TRIM51: variants seen among roughly 807,000 people sequenced by gnomAD.
TRIM51 encodes the protein tripartite motif-containing protein 51.
TRIM51 carries 23 observed loss-of-function variants against 32.7 expected under a neutral mutation model. The observed-to-expected ratio is 0.70, with a 90% confidence interval of 0.51 to 1.00. TRIM51 has a LOEUF of 1.00. Ranked by LOEUF, TRIM51 falls within the 50% of genes least tolerant of loss-of-function variation. The pLI is 0.00. For synonymous variants in TRIM51, 177 were observed against 181.9 expected, an observed-to-expected ratio of 0.97 and a Z score of 0.22; for missense variants, 592 against 539.2, an observed-to-expected ratio of 1.10 and a Z score of -0.97.
Position 55,891,339 on chromosome 11 carries a change from G to T in TRIM51, c.1066G>T (p.Gly356Cys). 1.9e-6 allele frequency: 3 copies of T among 1,611,874 alleles called. No individual in the cohort carries two copies. The highest frequency in any genetic ancestry group is 2.5e-6 in the Non-Finnish European group (3 of 1,179,728). ...GGGGGACTCTTGGAATTGGGCTTTT[G>T]GTGTCTGTAACAATTATTGGAAAGA... ...HMGDSWNWAF[G>C]VCNNYWKEKR... Residue 356 changes from glycine to cysteine, a missense_variant, in exon 7 of 7, where the codon GGT (glycine) becomes TGT (cysteine). Physicochemically the swap from Gly to Cys is radical, Grantham distance 159. Coordinates refer to ENST00000449290, the MANE Select transcript of TRIM51 (RefSeq NM_032681.4).
chr11:55,886,692 C>T (rs1404808840), intron 3 of TRIM51, among the ~76,000 whole-genome samples: 6 of 152,070 alleles, frequency 3.9e-5, no homozygotes, highest in Non-Finnish European at 8.8e-5. Flanking sequence ...GAAATATCAG[C>T]ACTAATTAAT....
intron 1 of TRIM51, 112 bp from the exon 2 acceptor site, chr11:55,885,313 C>T: frequency 1.8e-6 from 2 of 1,096,390 alleles, no homozygotes; most frequent in East Asian, 4.7e-5. Flanking sequence ...ATAGTTTGTT[C>T]CGCTTTAATG....
intron 6 of TRIM51, among the ~76,000 whole-genome samples, chr11:55,890,311 A>C (rs1590635329): frequency 6.6e-6 from 1 of 152,366 alleles, no homozygotes; most frequent in East Asian, 1.9e-4. Flanking sequence ...AAAATTGAAT[A>C]AATGGAAAAA....
Position 55,891,595 on chromosome 11 carries a change from C to G in TRIM51, c.1322C>G (p.Pro441Arg). Residue 441 changes from proline to arginine, a missense_variant, in exon 7 of 7, where the codon CCT becomes CGT. Physicochemically the swap from Pro to Arg is moderately radical, Grantham distance 103. Transcript: ENST00000449290. ...ACCATCCCCAATTGCTCCTTCTCAC[C>G]TCCTCTCAGGCCTATCTTTTGCTGT... ...IYTIPNCSFS[P>R]PLRPIFCCSH... 1 of 1,613,328 alleles carries G rather than the reference C, an allele frequency of 6.2e-7. No homozygotes were observed. Among genetic ancestry groups the G allele is most frequent in the East Asian group, 2.2e-5 (1 of 44,844 alleles).
rs1292109380 is a variant in TRIM51, at chr11:55,891,133, T to A, written c.860T>A (p.Val287Asp). The stretch of plus-strand genomic sequence containing the variant: ...TATTTTTTAAAAATTATTTTTGCAG[T>A]TGATTTTACTCTGCAGCCTGAAAGA... Reference protein sequence around the residue: ...GLLDSLSGFRVDFTLQPERAN... With the variant: ...GLLDSLSGFRDDFTLQPERAN... Residue 287 changes from valine (V) to aspartate (D), a missense_variant and splice_region_variant, in exon 7 of 7, where the codon GTT becomes GAT. Transcript: ENST00000449290. 6.3e-7 allele frequency: 1 copy of A among 1,590,948 alleles called. No individual in the cohort carries two copies. The highest frequency in any genetic ancestry group is 2.2e-5 in the East Asian group (1 of 44,820).
In TRIM51 at chr11:55,888,439, G is replaced by A. The variant is rs1854605891; in HGVS notation, c.738+177G>A. ...CCTCTCCTAGTGATTCTACTAGACC[G>A]AAGGTCCCTCCTACTTCATCCACCA... On this transcript the variant is annotated intron_variant, in intron 4 of 6. Transcript: ENST00000449290. Among the ~76,000 whole-genome samples the A allele has an allele frequency of 2.6e-5, 4 of 152,146 alleles. No individual in the cohort carries two copies. In the South Asian group the frequency reaches 8.3e-4, roughly 31 times the overall value.
intron 3 of TRIM51, among the ~76,000 whole-genome samples, chr11:55,887,502 T>A (rs1854591840): frequency 6.6e-6 from 1 of 152,030 alleles, no homozygotes; most frequent in African/African-American, 2.4e-5. Context: ...TAATTTGCAT[T>A]TATTTGGGGG....
chr11:55,887,727 G>A (rs771893947), intron 3 of TRIM51, among the ~76,000 whole-genome samples: 2 of 152,056 alleles, frequency 1.3e-5, no homozygotes, highest in African/African-American at 2.4e-5. Context: ...AATATAACTC[G>A]ATAGTTTGAT....
intron 6 of TRIM51, among the ~76,000 whole-genome samples, chr11:55,890,291 TA>T (rs1270232817): frequency 1.3e-5 from 2 of 152,072 alleles, no homozygotes; most frequent in Non-Finnish European, 1.5e-5. Context: ...TGGAATGACA[TA>T]AGAAATAAAA....
Position 55,886,180 on chromosome 11 carries a change from A to G in TRIM51, c.469A>G (p.Asn157Asp). The change falls in exon 3 of 7, where the codon AAT (asparagine) becomes GAT (aspartate). Residue 157 changes from asparagine to aspartate, a missense_variant. Physicochemically the swap from Asn to Asp is conservative, Grantham distance 23. Transcript: ENST00000449290. Reference protein sequence around the residue: ...LWEKACENLRNLNMETTRTRC... With the variant: ...LWEKACENLRDLNMETTRTRC... The stretch of plus-strand genomic sequence containing the variant: ...GGAAAAAGCTTGTGAAAATCTCAGA[A>G]ATCTGAACATGGAAACCACAAGAAC... The G allele has an allele frequency of 6.2e-7, 1 of 1,613,598 alleles. No homozygotes were observed. The highest frequency in any genetic ancestry group is 8.5e-7 in the Non-Finnish European group (1 of 1,179,644).
chr11:55,885,524 C>G lies in TRIM51; in HGVS notation c.96C>G (p.His32Gln). 1 of 1,612,098 alleles carries G rather than the reference C, an allele frequency of 6.2e-7. No homozygotes were observed. Among genetic ancestry groups the G allele is most frequent in the South Asian group, 1.1e-5 (1 of 91,006 alleles). Residue 32 changes from histidine to glutamine, a missense_variant, in exon 2 of 7, where the codon CAC becomes CAG. His to Gln is a conservative substitution (Grantham distance 24). Transcript: ENST00000449290. Reference protein sequence around the residue: ...FLDPVTIDCGHSFCRPCLYLN... With the variant: ...FLDPVTIDCGQSFCRPCLYLN... ...ACCCAGTCACCATAGACTGTGGGCA[C>G]AGCTTTTGCCGGCCCTGTTTGTACC... is the stretch of plus-strand genomic sequence containing the variant.
intron 4 of TRIM51, 110 bp from the exon 5 acceptor site, chr11:55,888,869 A>G: frequency 2.0e-6 from 2 of 979,962 alleles, no homozygotes; most frequent in East Asian, 4.8e-5. Context: ...AGGAGGGAAC[A>G]TTGTAGGAAA....
intron 1 of TRIM51, 57 bp from the exon 2 acceptor site, chr11:55,885,368 T>C (rs1204357682): frequency 5.1e-6 from 8 of 1,579,072 alleles, no homozygotes; most frequent in Non-Finnish European, 7.0e-6. Context: ...TCACCACATG[T>C]TCACGGATTT....
rs376328180 is a variant in TRIM51, at chr11:55,886,165, T to G, written c.454T>G (p.Cys152Gly). 4.3e-5 allele frequency: 69 copies of G among 1,613,426 alleles called. No homozygotes were observed. Among genetic ancestry groups the G allele is most frequent in the Non-Finnish European group, 5.6e-5 (66 of 1,179,630 alleles). ...KKMQSLWEKA[C>G]ENLRNLNMET... ...AATGCAGTCTTTATGGGAAAAAGCT[T>G]GTGAAAATCTCAGAAATCTGAACAT... is the stretch of plus-strand genomic sequence containing the variant. The change falls in exon 3 of 7, where the codon TGT (cysteine) becomes GGT (glycine). Residue 152 changes from cysteine to glycine, a missense_variant. Transcript: ENST00000449290.
At position 55,891,385 on chromosome 11, in the gene TRIM51, T is replaced by C. The variant is rs376523230; in HGVS notation, c.1112T>C (p.Ile371Thr). ...AAAGAGAAGAGACAGAATGACAAGA[T>C]AGATGGAGAGGAGGGACTCTTTCTT... is the stretch of plus-strand genomic sequence containing the variant. ...YWKEKRQNDK[I>T]DGEEGLFLLG... Residue 371 changes from isoleucine (I) to threonine (T), a missense_variant, in exon 7 of 7, where the codon ATA becomes ACA. By Grantham distance (89) the Ile-to-Thr change is moderately conservative (BLOSUM62 -1). Coordinates refer to ENST00000449290, the MANE Select transcript of TRIM51 (RefSeq NM_032681.4). 1.9e-6 allele frequency: 3 copies of C among 1,612,284 alleles called. No homozygotes were observed. The highest frequency in any genetic ancestry group is 2.5e-6 in the Non-Finnish European group (3 of 1,179,748).
At chr11:55,887,894 A>G in intron 3 of TRIM51, 138 bp from the exon 4 acceptor site, 2 of 684,712 alleles carry the variant, frequency 2.9e-6, no homozygotes, top group Non-Finnish European at 5.1e-6. Flanking sequence ...AAAAAATAAA[A>G]GGGATAAAAT....
intron 3 of TRIM51, among the ~76,000 whole-genome samples, 192 bp from the exon 4 acceptor site, chr11:55,887,840 A>C (rs993540763): frequency 3.3e-5 from 5 of 152,158 alleles, no homozygotes; most frequent in Non-Finnish European, 5.9e-5. Flanking sequence ...TAATCAAGTA[A>C]ATGTAACTGG....
chr11:55,888,384 A>G, intron 4 of TRIM51, 122 bp downstream of exon 4: 1 of 794,142 alleles, frequency 1.3e-6, no homozygotes, highest in Admixed American at 2.0e-5. Flanking sequence ...ACGATTCCAT[A>G]ACTAATGCTA....
In TRIM51 at chr11:55,887,719, T is replaced by C. The variant is rs186226147; in HGVS notation, c.508-313T>C. Reference sequence around the variant, plus strand: ...AAATAATGGTTTCTTACCTAGTCAATATAACTCGATAGTTTGATTCTTAAG... The same window carrying C: ...AAATAATGGTTTCTTACCTAGTCAACATAACTCGATAGTTTGATTCTTAAG... On this transcript the variant is annotated intron_variant, in intron 3 of 6. Transcript: ENST00000449290. 5.3e-4 allele frequency among the ~76,000 whole-genome samples: 81 copies of C among 152,300 alleles called. 1 individual carries two copies. The highest frequency in any genetic ancestry group is 1.9e-3 in the African/African-American group (77 of 41,584).
Sources: gnomAD v4.1 joint callset for allele counts (sites outside exome capture counted in the v4.1 genomes callset) on GRCh38, gnomAD v4.1.1 for gene constraint, MANE v1.5 for transcripts, NCBI Gene and HGNC (gene_info 2026-07-23, HGNC 2026-07-21) for gene names.